BCL2L13: variants seen among roughly 807,000 people sequenced by gnomAD.
The protein encoded by BCL2L13 is BCL2 like 13, also known as bcl-2-like protein 13.
BCL2L13 carries 13 observed loss-of-function variants against 25.8 expected under a neutral mutation model. That is an observed-to-expected ratio of 0.50 (90% CI 0.33 to 0.80). The LOEUF (loss-of-function observed/expected upper bound fraction) is 0.80. Among genes scored for constraint, BCL2L13 ranks in the 30% least tolerant of loss-of-function variants. BCL2L13 has a pLI of 0.02. For missense variants in BCL2L13, 504 were observed against 574.9 expected (o/e 0.88, Z 1.26); for synonymous variants, 244 against 230.3 (o/e 1.06, Z -0.54).
intron 2 of BCL2L13, among the ~76,000 whole-genome samples, chr22:17,669,414 G>A (rs74527170): frequency 0.015 from 2,258 of 152,214 alleles, 57 homozygotes; most frequent in African/African-American, 0.05. Context: ...TTCCACTCAT[G>A]GTGAAAAGGG....
intron 5 of BCL2L13, among the ~76,000 whole-genome samples, chr22:17,697,593 T>C (rs2060301749): frequency 6.6e-6 from 1 of 152,180 alleles, no homozygotes; most frequent in African/African-American, 2.4e-5. Flanking sequence ...AATGAGATAA[T>C]ACATGTTCAG....
intron 6 of BCL2L13, among the ~76,000 whole-genome samples, chr22:17,725,537 CT>C (rs2061271703): frequency 6.6e-6 from 1 of 152,274 alleles, no homozygotes; most frequent in East Asian, 1.9e-4. Flanking sequence ...CCCATCTGAA[CT>C]TTTTTTCTTC....
At chr22:17,670,058 T>C (rs2059367144) in intron 2 of BCL2L13, among the ~76,000 whole-genome samples, 1 of 152,218 alleles carries the variant, frequency 6.6e-6, no homozygotes, top group Non-Finnish European at 1.5e-5. Flanking sequence ...GGTACCTTTC[T>C]CAAAAATCAA....
At chr22:17,637,406 CAAAA>C (rs561992615), upstream of BCL2L13, among the ~76,000 whole-genome samples, 3 of 98,040 alleles carry the variant, frequency 3.1e-5, no homozygotes, top group East Asian at 3.3e-4. Context: ...GACTCTGCCT[CAAAA>C]AAAAAAAAAA....
chr22:17,650,957 G>C (rs139314032), intron 1 of BCL2L13, among the ~76,000 whole-genome samples: 2 of 147,982 alleles, frequency 1.4e-5, no homozygotes, highest in Non-Finnish European at 3.0e-5. Flanking sequence ...GGGATTACAG[G>C]TGTGAGCCAC....
chr22:17,706,706 G>T (rs558239966), intron 6 of BCL2L13: 1 of 1,351,134 alleles, frequency 7.4e-7, no homozygotes, highest in Non-Finnish European at 9.8e-7. Flanking sequence ...TTCATGTGCT[G>T]TGATTCTCCC....
chr22:17,679,929 T>G (rs941163049), intron 2 of BCL2L13, among the ~76,000 whole-genome samples: 6 of 151,924 alleles, frequency 3.9e-5, no homozygotes, highest in Non-Finnish European at 5.9e-5. Flanking sequence ...TTAAGACTTA[T>G]GGGCCAGGCA....
At chr22:17,646,955 A>ATATATATATTT (rs768488873) in intron 1 of BCL2L13, among the ~76,000 whole-genome samples, 12 of 22,184 alleles carry the variant, frequency 5.4e-4, no homozygotes, top group Non-Finnish European at 6.1e-4. Context: ...ATATATATAT[A>ATATATATATTT]TTTTTTTTTT....
intron 2 of BCL2L13, among the ~76,000 whole-genome samples, chr22:17,674,045 T>G (rs1469479537): frequency 2.6e-5 from 4 of 152,214 alleles, no homozygotes; most frequent in African/African-American, 9.6e-5. Flanking sequence ...GTTTGTAATC[T>G]GTTTAGAATG....
At position 17,671,630 on chromosome 22, in the gene BCL2L13, A is replaced by G. The variant is rs144125077; in HGVS notation, c.122-11584A>G. 5.3e-4 allele frequency among the ~76,000 whole-genome samples: 80 copies of G among 151,556 alleles called. No individual in the cohort carries two copies. In the East Asian group the frequency reaches 0.015, roughly 28 times the overall value. On this transcript the variant is annotated intron_variant, in intron 2 of 6. Coordinates refer to ENST00000317582, the MANE Select transcript of BCL2L13 (RefSeq NM_015367.4). ...TTTTTGTAGAGACATTTGTTTCGCC[A>G]TGTTCCTCAGGCTGGTCTCAAACTT...
chr22:17,718,581 A>G (rs1465926529), intron 6 of BCL2L13, among the ~76,000 whole-genome samples: 1 of 152,202 alleles, frequency 6.6e-6, no homozygotes, highest in Non-Finnish European at 1.5e-5. Flanking sequence ...AAATGTAATG[A>G]GAGTTTGAAA....
chr22:17,655,425 C>G (rs1329579815), intron 1 of BCL2L13, among the ~76,000 whole-genome samples: 2 of 135,988 alleles, frequency 1.5e-5, no homozygotes, highest in Non-Finnish European at 3.2e-5. Flanking sequence ...ATGTGCAGTA[C>G]TTTTTTTTTT....
chr22:17,706,604 T>TTTTTTCCC, intron 6 of BCL2L13: 1 of 1,112,084 alleles, frequency 9.0e-7, no homozygotes, highest in Non-Finnish European at 1.1e-6. Flanking sequence ...AGAGTGTGGT[T>TTTTTTCCC]TTTTTCCCTC....
intron 1 of BCL2L13, among the ~76,000 whole-genome samples, chr22:17,648,593 A>T (rs1284032239): frequency 1.3e-5 from 2 of 152,132 alleles, no homozygotes; most frequent in East Asian, 1.9e-4. Flanking sequence ...TAGGTCTGTT[A>T]TGTTTATAAC....
chr22:17,696,322 C>A, intron 5 of BCL2L13, 112 bp downstream of exon 5: 1 of 897,376 alleles, frequency 1.1e-6, no homozygotes, highest in South Asian at 1.4e-5. Flanking sequence ...TTCTTTAATG[C>A]ACAAATCTAT....
chr22:17,683,996 A>G (rs896103585), intron 3 of BCL2L13, among the ~76,000 whole-genome samples: 2 of 151,560 alleles, frequency 1.3e-5, no homozygotes, highest in Non-Finnish European at 1.5e-5. Flanking sequence ...TATTGAGGGG[A>G]GCATTTGGAT....
In BCL2L13 at chr22:17,638,831, G is replaced by C. The variant is rs961387968; in HGVS notation, c.-106G>C. On this transcript the variant is annotated 5_prime_UTR_variant, in exon 1 of 7. Coordinates refer to ENST00000317582, the MANE Select transcript of BCL2L13 (RefSeq NM_015367.4). ...TCACCGCCGCTGGGGGACCCTGTCG[G>C]AAGCAACTGCCGCCGCCGCCTCTTT... 7.3e-6 allele frequency: 9 copies of C among 1,232,168 alleles called. 1 individual carries two copies. The South Asian group carries it at 2.9e-4, about 39-fold the overall frequency. The allele number at this position is 1,232,168 out of a possible 1,614,324, so 76.3% of individuals were successfully genotyped here.
At chr22:17,663,683 CTT>C (rs61709181) in intron 2 of BCL2L13, among the ~76,000 whole-genome samples, 3 of 107,470 alleles carry the variant, frequency 2.8e-5, no homozygotes, top group African/African-American at 3.5e-5. Context: ...TACATTTTTC[CTT>C]TTTTTTTTTT....
At chr22:17,671,775 G>A (rs1292179123) in intron 2 of BCL2L13, among the ~76,000 whole-genome samples, 1 of 152,084 alleles carries the variant, frequency 6.6e-6, no homozygotes, top group Non-Finnish European at 1.5e-5. Flanking sequence ...GTGCAGTGGT[G>A]CAATCTCTGC....
Sources: allele counts gnomAD v4.1 joint callset (sites outside exome capture counted in the v4.1 genomes callset), GRCh38; gene constraint gnomAD v4.1.1; transcripts MANE v1.5; gene names NCBI Gene and HGNC (gene_info 2026-07-23, HGNC 2026-07-21).